The following MEGF10 variants were observed in gnomAD, a reference collection of about 807,000 sequenced individuals.
MEGF10 encodes multiple epidermal growth factor-like domains protein 10.
A neutral mutation model predicts 147.5 loss-of-function variants in MEGF10; 86 were observed. That is an observed-to-expected ratio of 0.58 (90% CI 0.49 to 0.70). The LOEUF is 0.70. Among genes scored for constraint, MEGF10 ranks in the 30% least tolerant of loss-of-function variants. MEGF10 has a pLI of 0.00. For synonymous variants in MEGF10, 478 were observed against 525.5 expected (o/e 0.91, Z 1.24); for missense variants, 1,329 against 1,487.3 (o/e 0.89, Z 1.75).
intron 4 of MEGF10, among the ~76,000 whole-genome samples, chr5:127,358,701 G>A (rs1383440155): frequency 2.0e-5 from 3 of 152,108 alleles, no homozygotes; most frequent in Admixed American, 1.3e-4. Context: ...ATATGCTGAC[G>A]ATTTTGAAAT....
chr5:127,402,695 C>G lies in MEGF10; in HGVS notation c.917+13C>G. 1 of 1,613,054 alleles carries G rather than the reference C, an allele frequency of 6.2e-7. No individual in the cohort carries two copies. Among genetic ancestry groups the G allele is most frequent in the Non-Finnish European group, 8.5e-7 (1 of 1,179,526 alleles). On this transcript the variant is annotated intron_variant, in intron 8 of 24. Transcript: ENST00000503335. ...ACACAGGGGAACGGTAAGGGATGCC[C>G]TTGTATTTCTCTGACTGTTTATAAT...
the MEGF10 span, among the ~76,000 whole-genome samples, chr5:127,276,936 G>C: frequency 6.6e-6 from 1 of 152,104 alleles, no homozygotes; most frequent in African/African-American, 2.4e-5. Context: ...TGAAATTTGA[G>C]TAAGATGTGT....
upstream of MEGF10, among the ~76,000 whole-genome samples, chr5:127,287,883 G>T (rs1315233771): frequency 6.6e-6 from 1 of 151,986 alleles, no homozygotes; most frequent in Non-Finnish European, 1.5e-5. Flanking sequence ...GTATGGTTTT[G>T]GCATAGGAAT....
chr5:127,368,687 T>C (rs1030574754), intron 4 of MEGF10, among the ~76,000 whole-genome samples: 1 of 152,190 alleles, frequency 6.6e-6, no homozygotes, highest in Non-Finnish European at 1.5e-5. Context: ...CTAAATCTTA[T>C]GATCAAGACC....
intron 4 of MEGF10, among the ~76,000 whole-genome samples, chr5:127,348,958 C>T (rs529867917): frequency 7.5e-4 from 114 of 152,076 alleles, no homozygotes; most frequent in Non-Finnish European, 1.4e-3. Context: ...AGGCTGGATG[C>T]GGTGGCTCAC....
intron 9 of MEGF10, among the ~76,000 whole-genome samples, chr5:127,416,444 A>G (rs1418605146): frequency 1.3e-5 from 2 of 152,138 alleles, no homozygotes; most frequent in Admixed American, 6.5e-5. Context: ...GAGTAGTTCT[A>G]AGTAGATCTG....
chr5:127,308,865 A>T (rs998156403), intron 1 of MEGF10, among the ~76,000 whole-genome samples: 9 of 152,168 alleles, frequency 5.9e-5, no homozygotes, highest in Admixed American at 4.6e-4. Flanking sequence ...AAGTATAATT[A>T]AAAAAATAAT....
chr5:127,301,006 A>G (rs763790508), intron 1 of MEGF10, among the ~76,000 whole-genome samples: 27 of 152,242 alleles, frequency 1.8e-4, no homozygotes, highest in South Asian at 8.3e-4. Context: ...AATCAGAAGA[A>G]GACTCTATGG....
intron 4 of MEGF10, among the ~76,000 whole-genome samples, chr5:127,368,239 A>C (rs1762725104): frequency 6.6e-6 from 1 of 152,174 alleles, no homozygotes; most frequent in South Asian, 2.1e-4. Context: ...TGAAATATGT[A>C]ATTGTCTGAC....
intron 1 of MEGF10, among the ~76,000 whole-genome samples, chr5:127,294,615 A>T (rs1759409939): frequency 6.6e-6 from 1 of 152,058 alleles, no homozygotes; most frequent in Non-Finnish European, 1.5e-5. Context: ...CCTGGCCAAA[A>T]TGGCGAAATC....
the MEGF10 span, among the ~76,000 whole-genome samples, chr5:127,281,770 C>T: frequency 3.8e-3 from 577 of 152,272 alleles, 6 homozygotes; most frequent in African/African-American, 0.013. Flanking sequence ...CTTCAGTAGG[C>T]CTAGCAGGGG....
rs549458010 is a variant in MEGF10, at chr5:127,305,087, T to A, written c.-19+14031T>A. Among the ~76,000 whole-genome samples, 42 of 152,334 alleles carry A rather than the reference T, an allele frequency of 2.8e-4. No homozygotes were observed. In the South Asian group the frequency reaches 8.5e-3, roughly 31 times the overall value. On this transcript the variant is annotated intron_variant, in intron 1 of 24. Transcript: ENST00000503335. ...ATGAAAAACTGAACCTAACCCACAG[T>A]CCTAATACTCATTTAAATGGATAAT... is the stretch of plus-strand genomic sequence containing the variant.
chr5:127,349,358 A>G (rs1040524427), intron 4 of MEGF10, among the ~76,000 whole-genome samples: 10 of 152,160 alleles, frequency 6.6e-5, no homozygotes, highest in African/African-American at 2.2e-4. Context: ...GTAAAAACAC[A>G]TGACATTAAA....
At chr5:127,247,082 G>GAGGA in the MEGF10 span, among the ~76,000 whole-genome samples, 2 of 140,106 alleles carry the variant, frequency 1.4e-5, no homozygotes, top group Non-Finnish European at 3.0e-5. Context: ...GGTAGGGAAA[G>GAGGA]AGGAAGTAAA....
At chr5:127,321,768 C>T (rs1293188408) in intron 1 of MEGF10, among the ~76,000 whole-genome samples, 2 of 152,074 alleles carry the variant, frequency 1.3e-5, no homozygotes, top group African/African-American at 4.8e-5. Flanking sequence ...GCTGCAGACA[C>T]CACTGAAAAG....
intron 5 of MEGF10, among the ~76,000 whole-genome samples, chr5:127,388,564 G>C (rs1763526028): frequency 1.5e-5 from 2 of 135,858 alleles, no homozygotes; most frequent in South Asian, 4.6e-4. Flanking sequence ...TTTATTTTTT[G>C]AGGCAGAGTC....
At chr5:127,321,621 C>T (rs2126763047) in intron 1 of MEGF10, among the ~76,000 whole-genome samples, 1 of 152,238 alleles carries the variant, frequency 6.6e-6, no homozygotes, top group Middle Eastern at 3.4e-3. Flanking sequence ...GATTGCTCAT[C>T]TGTGTCCTGA....
intron 4 of MEGF10, among the ~76,000 whole-genome samples, chr5:127,358,257 A>G (rs541538748): frequency 3.3e-5 from 5 of 152,276 alleles, no homozygotes; most frequent in Non-Finnish European, 1.5e-5. Flanking sequence ...CCAGAGTTCT[A>G]GAGGAAATGT....
At chr5:127,361,983 A>C (rs1762483929) in intron 4 of MEGF10, among the ~76,000 whole-genome samples, 1 of 152,152 alleles carries the variant, frequency 6.6e-6, no homozygotes, top group Non-Finnish European at 1.5e-5. Context: ...TTGAAAAGCA[A>C]ATATATTCTG....
Sources: allele counts gnomAD v4.1 joint callset (sites outside exome capture counted in the v4.1 genomes callset), GRCh38; gene constraint gnomAD v4.1.1; transcripts MANE v1.5; gene names NCBI Gene and HGNC (gene_info 2026-07-23, HGNC 2026-07-21).